RELCH: variants seen among roughly 807,000 people sequenced by gnomAD.
RELCH encodes the protein RAB11 binding and LisH domain, coiled-coil and HEAT repeat containing, also known as RAB11-binding protein RELCH.
In RELCH, 41 loss-of-function variants were observed where a neutral mutation model predicts 150.3. That is an observed-to-expected ratio of 0.27 (90% CI 0.21 to 0.35). RELCH has a LOEUF of 0.35. RELCH is among the 10% of genes least tolerant of loss of function. The pLI is 1.00. For synonymous variants in RELCH, 478 were observed against 531.8 expected (o/e 0.90, Z 1.39); for missense variants, 1,092 against 1,467.8 (o/e 0.74, Z 4.18).
At chr18:62,275,338 C>A in intron 21 of RELCH, 36 bp from the exon 22 acceptor site, 1 of 1,188,268 alleles carries the variant, frequency 8.4e-7, no homozygotes, top group South Asian at 1.5e-5. Flanking sequence ...GACTGTGGCT[C>A]TCAATTTTAA....
chr18:62,220,966 T>A (rs2148370431), intron 2 of RELCH, 71 bp from the exon 3 acceptor site: 1 of 1,260,700 alleles, frequency 7.9e-7, no homozygotes, highest in Non-Finnish European at 1.1e-6. Flanking sequence ...TCCTTGCTTT[T>A]TATTTTTTAA....
At chr18:62,252,609 G>A in intron 11 of RELCH, 55 bp from the exon 12 acceptor site, 1 of 1,296,646 alleles carries the variant, frequency 7.7e-7, no homozygotes, top group South Asian at 1.2e-5. Context: ...TTAACCCTTA[G>A]TCCTAGTTGT....
intron 13 of RELCH, among the ~76,000 whole-genome samples, chr18:62,256,173 T>G (rs2042983118): frequency 6.6e-6 from 1 of 152,084 alleles, no homozygotes; most frequent in Admixed American, 6.6e-5. Context: ...CTGCTTTTTT[T>G]TTAATGGGAC....
chr18:62,247,621 G>T (rs2042486542), intron 11 of RELCH, among the ~76,000 whole-genome samples: 1 of 151,134 alleles, frequency 6.6e-6, no homozygotes, highest in Non-Finnish European at 1.5e-5. Flanking sequence ...ATGGCTCACT[G>T]CAACCTCCAC....
intron 1 of RELCH, among the ~76,000 whole-genome samples, chr18:62,205,297 T>G (rs573671361): frequency 6.6e-6 from 1 of 152,334 alleles, no homozygotes; most frequent in Non-Finnish European, 1.5e-5. Context: ...AGAATGTACC[T>G]GTAGTAACCC....
chr18:62,288,755 G>T (rs753367546), intron 26 of RELCH, among the ~76,000 whole-genome samples: 3 of 152,108 alleles, frequency 2.0e-5, no homozygotes, highest in East Asian at 1.9e-4. Flanking sequence ...TTGATTTCTT[G>T]TTGGCATTTT....
At chr18:62,272,451 G>A (rs1474539456) in intron 20 of RELCH, among the ~76,000 whole-genome samples, 1 of 152,048 alleles carries the variant, frequency 6.6e-6, no homozygotes, top group Non-Finnish European at 1.5e-5. Flanking sequence ...TTGAATAAAT[G>A]AATAAGGGGC....
At chr18:62,255,311 G>C in intron 12 of RELCH, 96 bp from the exon 13 acceptor site, 1 of 856,396 alleles carries the variant, frequency 1.2e-6, no homozygotes, top group Non-Finnish European at 1.9e-6. Context: ...AAGCTTTATT[G>C]CATTCTTAAC....
intron 10 of RELCH, among the ~76,000 whole-genome samples, chr18:62,240,863 G>A (rs1253029568): frequency 6.6e-6 from 1 of 152,102 alleles, no homozygotes; most frequent in African/African-American, 2.4e-5. Context: ...CTACTAAGGA[G>A]GCTGAGGCAG....
intron 16 of RELCH, among the ~76,000 whole-genome samples, chr18:62,263,210 G>A (rs1416619965): frequency 1.3e-5 from 2 of 151,982 alleles, no homozygotes; most frequent in East Asian, 3.9e-4. Context: ...TGGGCGGGGG[G>A]CAGTTCAACT....
At chr18:62,202,799 A>G (rs2039535659) in intron 1 of RELCH, among the ~76,000 whole-genome samples, 1 of 152,230 alleles carries the variant, frequency 6.6e-6, no homozygotes, top group African/African-American at 2.4e-5. Context: ...TAAACTAATA[A>G]CAGATGGATA....
rs1055977889 is a variant in RELCH, at chr18:62,297,230, G to T, written c.3460-1560G>T. Reference sequence around the variant, plus strand: ...TGGGACACCTCATTACCCTTCAAATGCTGGCTGTCAGGTTTATACCTACAG... The same window carrying T: ...TGGGACACCTCATTACCCTTCAAATTCTGGCTGTCAGGTTTATACCTACAG... On this transcript the variant is annotated intron_variant, in intron 27 of 28. Transcript: ENST00000644646. 2.0e-5 allele frequency among the ~76,000 whole-genome samples: 3 copies of T among 152,136 alleles called. No homozygotes were observed. The South Asian group carries it at 6.2e-4, about 32-fold the overall frequency.
chr18:62,295,834 C>T (rs1479760072), intron 27 of RELCH, among the ~76,000 whole-genome samples: 1 of 152,052 alleles, frequency 6.6e-6, no homozygotes, highest in Non-Finnish European at 1.5e-5. Context: ...TGGCCTCCCA[C>T]AGTGCTGGGA....
intron 10 of RELCH, 24 bp downstream of exon 10, chr18:62,232,451 G>A (rs768926160): frequency 7.9e-6 from 11 of 1,396,528 alleles, no homozygotes; most frequent in South Asian, 5.8e-5. Context: ...AAGTATTTTC[G>A]TCCCAGTAAT....
chr18:62,302,340 G>C (rs1417017431), intron 28 of RELCH, among the ~76,000 whole-genome samples: 1 of 152,166 alleles, frequency 6.6e-6, no homozygotes, highest in Non-Finnish European at 1.5e-5. Flanking sequence ...GTAATTAAAG[G>C]CTTATGGTTG....
chr18:62,239,797 AC>A (rs2042050654), intron 10 of RELCH, among the ~76,000 whole-genome samples: 1 of 151,412 alleles, frequency 6.6e-6, no homozygotes, highest in Admixed American at 6.6e-5. Flanking sequence ...TTTTCCTTAT[AC>A]CCTTTGTTTT....
At chr18:62,290,624 A>G (rs1382876648) in intron 26 of RELCH, among the ~76,000 whole-genome samples, 1 of 152,190 alleles carries the variant, frequency 6.6e-6, no homozygotes, top group African/African-American at 2.4e-5. Context: ...GAATAAAGGG[A>G]GAATGTATCA....
At chr18:62,249,011 A>G (rs1295128859) in intron 11 of RELCH, among the ~76,000 whole-genome samples, 1 of 152,224 alleles carries the variant, frequency 6.6e-6, no homozygotes, top group Non-Finnish European at 1.5e-5. Context: ...TGGATTAAGC[A>G]CCAATTGGAT....
chr18:62,241,242 C>G (rs2042133728), intron 10 of RELCH, among the ~76,000 whole-genome samples: 1 of 151,992 alleles, frequency 6.6e-6, no homozygotes, highest in Non-Finnish European at 1.5e-5. Context: ...CTTTCTTTAC[C>G]CACAACTGTC....
Sources: allele counts gnomAD v4.1 joint callset (sites outside exome capture counted in the v4.1 genomes callset), GRCh38; gene constraint gnomAD v4.1.1; transcripts MANE v1.5; gene names NCBI Gene and HGNC (gene_info 2026-07-23, HGNC 2026-07-21).